Variants in EYS observed in about 807,000 individuals in gnomAD.
The protein encoded by EYS is protein eyes shut homolog.
Under a neutral mutation model 282.1 loss-of-function variants are expected in EYS, and 250 were observed. The observed-to-expected ratio is 0.89, with a 90% CI of 0.80 to 0.98. The LOEUF (loss-of-function observed/expected upper bound fraction) is 0.98, where lower values mean the gene tolerates loss of function less well. EYS is among the 50% of genes least tolerant of loss of function. EYS has a pLI of 0.00. For missense variants in EYS, 4,016 were observed against 3,709.0 expected (o/e 1.08, Z -2.15); for synonymous variants, 1,355 against 1,282.9 (o/e 1.06, Z -1.20).
intron 29 of EYS, among the ~76,000 whole-genome samples, chr6:64,361,364 A>C (rs1420075156): frequency 1.3e-5 from 2 of 151,878 alleles, no homozygotes; most frequent in South Asian, 2.1e-4. Flanking sequence ...CTACTAAAGG[A>C]ATGTGTAAAC....
rs532952842 is a variant in EYS at position 65,164,044 on chromosome 6, G to A, written c.2024-106317C>T. ...CAGACAGCAGCCCCTCCTGACTCTAGCTTAATCATACATGAGCAGATAACT... is the reference window on the plus strand; with the variant it reads ...CAGACAGCAGCCCCTCCTGACTCTAACTTAATCATACATGAGCAGATAACT... On this transcript the variant is annotated intron_variant, in intron 12 of 42. Coordinates refer to ENST00000503581, the MANE Select transcript of EYS (RefSeq NM_001142800.2). Among the ~76,000 whole-genome samples, 19 of 151,304 alleles carry A rather than the reference G, an allele frequency of 1.3e-4. No homozygotes were observed. In the South Asian group the frequency reaches 3.5e-3, roughly 28 times the overall value.
rs115208979 is a variant in EYS at position 63,958,848 on chromosome 6, C to T, written c.7055+25535G>A. ...AGCATGGTTTATGGAATAAGTTAAG[C>T]CCACTATTGAGATCTACTGCTCAGA... On this transcript the variant is annotated intron_variant, in intron 35 of 42. Transcript: ENST00000503581. Among the ~76,000 whole-genome samples, 664 of 152,224 alleles carry T rather than the reference C, an allele frequency of 4.4e-3. 3 individuals are homozygous for T. The highest frequency in any genetic ancestry group is 0.015 in the African/African-American group (606 of 41,534).
At chr6:64,224,228 A>T (rs1255689801) in intron 31 of EYS, among the ~76,000 whole-genome samples, 2 of 152,056 alleles carry the variant, frequency 1.3e-5, no homozygotes, top group African/African-American at 2.4e-5. Flanking sequence ...CCAAATTATT[A>T]GAAAGCATTA....
chr6:64,591,957 T>C lies in EYS; in HGVS notation c.3910A>G (p.Ile1304Val). 6.6e-7 allele frequency: 1 copy of C among 1,515,140 alleles called. No homozygotes were observed. Among genetic ancestry groups the C allele is most frequent in the Non-Finnish European group, 8.9e-7 (1 of 1,127,786 alleles). 93.9% of individuals were successfully genotyped at this position (1,515,140 alleles called of 1,614,324 possible). A position where few individuals can be genotyped will look rare whatever the true frequency, so the allele number is the denominator to read the frequency against. The change falls in exon 26 of 43, where the codon ATT becomes GTT. Residue 1304 changes from isoleucine to valine, a missense_variant. Physicochemically the swap from Ile to Val is conservative, Grantham distance 29. Coordinates refer to ENST00000503581, the MANE Select transcript of EYS (RefSeq NM_001142800.2). ...GTTGCCAAACCAGTGGTTGGGAGAA[T>C]GTCGTGCTTGACAATGCCTGTCTGT... ...PKQTGIVKHDILPTTGLATLR... is the reference protein window; with the variant it reads ...PKQTGIVKHDVLPTTGLATLR...
At chr6:65,444,607 T>C (rs1768581702) in intron 5 of EYS, among the ~76,000 whole-genome samples, 1 of 144,168 alleles carries the variant, frequency 6.9e-6, no homozygotes, top group African/African-American at 2.4e-5. Context: ...AAATATTGGG[T>C]TTTGTTGTTC....
chr6:63,916,402 A>T lies in EYS; in HGVS notation c.7056-52044T>A, dbSNP rs554984334. On this transcript the variant is annotated intron_variant, in intron 35 of 42. Transcript: ENST00000503581. Reference sequence around the variant, plus strand: ...TGTTATTGTCTATAATTTTGACTACAGCTATCCTAGTGGATGTGAAATGGT... The same window carrying T: ...TGTTATTGTCTATAATTTTGACTACTGCTATCCTAGTGGATGTGAAATGGT... Among the ~76,000 whole-genome samples, 71 of 152,324 alleles carry T rather than the reference A, an allele frequency of 4.7e-4. 1 individual carries two copies. The highest frequency in any genetic ancestry group is 3.5e-3 in the Admixed American group (53 of 15,298).
intron 33 of EYS, among the ~76,000 whole-genome samples, chr6:64,025,191 C>G (rs952864553): frequency 3.7e-5 from 5 of 135,622 alleles, no homozygotes; most frequent in African/African-American, 1.3e-4. Context: ...GGGTGCCAGG[C>G]TTTCTGGGAA....
intron 22 of EYS, among the ~76,000 whole-genome samples, chr6:64,657,634 G>T (rs1433619424): frequency 6.6e-6 from 1 of 152,114 alleles, no homozygotes; most frequent in Non-Finnish European, 1.5e-5. Flanking sequence ...GGCTGGATAT[G>T]AAATTCTGGG....
rs140577785 is a variant in EYS at position 63,949,902 on chromosome 6, G to A, written c.7055+34481C>T. On this transcript the variant is annotated intron_variant, in intron 35 of 42. Coordinates refer to ENST00000503581, the MANE Select transcript of EYS (RefSeq NM_001142800.2). The stretch of plus-strand genomic sequence containing the variant: ...AAAAATCTGCTTTTTGGCCAGGCGC[G>A]GTGTCTCACGCCTGTAATCCCAGCA... Among the ~76,000 whole-genome samples the A allele has an allele frequency of 4.8e-3, 727 of 152,152 alleles. 2 individuals carry two copies. Among genetic ancestry groups the A allele is most frequent in the Non-Finnish European group, 7.3e-3 (494 of 67,992 alleles).
intron 29 of EYS, among the ~76,000 whole-genome samples, chr6:64,319,379 ACCAATTGAT>A (rs1429522451): frequency 4.4e-4 from 67 of 152,028 alleles, no homozygotes; most frequent in Non-Finnish European, 9.3e-4. Context: ...ATCTAGCAAT[ACCAATTGAT>A]TAAATCAATG....
chr6:64,266,718 C>G (rs1314324587), intron 30 of EYS, among the ~76,000 whole-genome samples: 4 of 152,104 alleles, frequency 2.6e-5, no homozygotes, highest in African/African-American at 9.7e-5. Context: ...GTGAAGCAAG[C>G]CTCTGTATGG....
intron 2 of EYS, among the ~76,000 whole-genome samples, chr6:65,627,437 AGCCCTTCGGCC>A (rs1333032839): frequency 6.6e-6 from 1 of 152,058 alleles, no homozygotes; most frequent in East Asian, 1.9e-4. Context: ...ACACTTGAGG[AGCCCTTCGGCC>A]GCCGCTGCAC....
intron 13 of EYS, among the ~76,000 whole-genome samples, chr6:65,006,671 C>G (rs569432832): frequency 1.6e-4 from 25 of 152,218 alleles, no homozygotes; most frequent in Admixed American, 7.8e-4. Context: ...TACAAAGGTC[C>G]GACCAGAGCT....
chr6:64,260,911 A>G (rs1489176746), intron 30 of EYS, among the ~76,000 whole-genome samples: 3 of 151,916 alleles, frequency 2.0e-5, no homozygotes, highest in Admixed American at 1.3e-4. Flanking sequence ...GATACATAAT[A>G]GGTATATATA....
intron 31 of EYS, among the ~76,000 whole-genome samples, chr6:64,220,675 G>A (rs1766073357): frequency 6.6e-6 from 1 of 152,152 alleles, no homozygotes; most frequent in Admixed American, 6.6e-5. Flanking sequence ...TACTGAGAGT[G>A]CCTTTGTTCC....
intron 12 of EYS, among the ~76,000 whole-genome samples, chr6:65,204,036 G>A (rs933763207): frequency 2.6e-5 from 4 of 151,928 alleles, no homozygotes; most frequent in African/African-American, 9.7e-5. Context: ...ATTTCAGAAA[G>A]CAAACAAAGG....
At chr6:65,207,668 T>C (rs1318922285) in intron 12 of EYS, among the ~76,000 whole-genome samples, 1 of 151,452 alleles carries the variant, frequency 6.6e-6, no homozygotes, top group Non-Finnish European at 1.5e-5. Flanking sequence ...AGTACTGATA[T>C]AAAAATAAAC....
At chr6:64,217,095 A>G (rs1765953165) in intron 31 of EYS, among the ~76,000 whole-genome samples, 1 of 152,228 alleles carries the variant, frequency 6.6e-6, no homozygotes, top group Non-Finnish European at 1.5e-5. Context: ...GTGTTGTAGA[A>G]TGTAAACACC....
chr6:65,135,374 T>A (rs1450531876), intron 12 of EYS, among the ~76,000 whole-genome samples: 1 of 151,998 alleles, frequency 6.6e-6, no homozygotes, highest in Non-Finnish European at 1.5e-5. Flanking sequence ...TCACTGAAAT[T>A]TTTTTTCATT....
Sources: gnomAD v4.1 joint callset for allele counts (sites outside exome capture counted in the v4.1 genomes callset) on GRCh38, gnomAD v4.1.1 for gene constraint, MANE v1.5 for transcripts, NCBI Gene and HGNC (gene_info 2026-07-23, HGNC 2026-07-21) for gene names.